The following TOM1L2 variants were observed in gnomAD, a reference collection of about 807,000 sequenced individuals.
The protein encoded by TOM1L2 is TOM1-like protein 2.
A neutral mutation model predicts 67.9 loss-of-function variants in TOM1L2; 31 were observed. The observed-to-expected ratio is 0.46, with a 90% confidence interval of 0.34 to 0.62. The LOEUF (loss-of-function observed/expected upper bound fraction) is 0.62, where lower values mean the gene tolerates loss of function less well. Ranked by LOEUF, TOM1L2 falls within the 20% of genes least tolerant of loss-of-function variation. The probability of loss-of-function intolerance (pLI) is 0.01; values close to 1 mark genes in which losing one functional copy is unlikely to be tolerated. For missense variants in TOM1L2, 606 were observed against 663.5 expected, an observed-to-expected ratio of 0.91 and a Z score of 0.95; for synonymous variants, 256 against 254.0, an observed-to-expected ratio of 1.01 and a Z score of -0.07.
chr17:17,894,835 G>A lies in TOM1L2; in HGVS notation c.217-1025C>T, dbSNP rs548485140. On this transcript the variant is annotated intron_variant, in intron 3 of 14. Transcript: ENST00000379504. ...AATCCCAGCTACTTGGGAGGCTGAG[G>A]CAGGAGAATCGCTTGAACCTGGGAG... Among the ~76,000 whole-genome samples the A allele has an allele frequency of 1.4e-4, 22 of 152,310 alleles. No homozygotes were observed. The East Asian group carries it at 4.1e-3, about 28-fold the overall frequency.
At chr17:17,882,190 C>T (rs2037759062) in intron 6 of TOM1L2, among the ~76,000 whole-genome samples, 1 of 152,164 alleles carries the variant, frequency 6.6e-6, no homozygotes, top group Admixed American at 6.5e-5. Flanking sequence ...TGATGGCTGA[C>T]TTTTTTTATG....
intron 1 of TOM1L2, among the ~76,000 whole-genome samples, chr17:17,917,462 T>C (rs1175452294): frequency 1.5e-5 from 2 of 130,716 alleles, no homozygotes; most frequent in Non-Finnish European, 3.2e-5. Flanking sequence ...TTTTTTTTTT[T>C]TTTTTTTTTT....
At chr17:17,865,901 G>T (rs915479540) in intron 10 of TOM1L2, among the ~76,000 whole-genome samples, 1 of 150,806 alleles carries the variant, frequency 6.6e-6, no homozygotes, top group Non-Finnish European at 1.5e-5. Flanking sequence ...CCCACCATGC[G>T]CAGCTAATTT....
chr17:17,907,781 C>CA (rs1201519523), intron 1 of TOM1L2, among the ~76,000 whole-genome samples: 1 of 152,144 alleles, frequency 6.6e-6, no homozygotes. Context: ...CCTAAGCCAT[C>CA]AAAAATCACC....
chr17:17,879,653 C>A lies in TOM1L2; in HGVS notation c.751G>T (p.Asp251Tyr), dbSNP rs926275423. The A allele has an allele frequency of 6.2e-7, 1 of 1,614,182 alleles. No homozygotes were observed. Among genetic ancestry groups the A allele is most frequent in the Non-Finnish European group, 8.5e-7 (1 of 1,180,002 alleles). Residue 251 changes from aspartate to tyrosine, a missense_variant, in exon 7 of 15, where the codon GAT becomes TAT. Asp to Tyr is a radical substitution (Grantham distance 160). Transcript: ENST00000379504. ...TGCAGCAACTCCAGATCAGATGAAT[C>A]CTCCTGTCCAGGGACCATTTCTGTT... ...MLTEMVPGQE[D>Y]SSDLELLQEL... is the part of the protein sequence containing the mutation.
At chr17:17,920,754 T>C (rs1316438928) in intron 1 of TOM1L2, among the ~76,000 whole-genome samples, 1 of 151,500 alleles carries the variant, frequency 6.6e-6, no homozygotes, top group Non-Finnish European at 1.5e-5. Flanking sequence ...CCTGCCTCAG[T>C]CTCCTGAGTA....
At chr17:17,956,216 C>T (rs758463932) in intron 1 of TOM1L2, among the ~76,000 whole-genome samples, 3 of 152,152 alleles carry the variant, frequency 2.0e-5, no homozygotes, top group South Asian at 2.1e-4. Context: ...ACCTGATTGG[C>T]CTATTTTGAC....
intron 1 of TOM1L2, among the ~76,000 whole-genome samples, chr17:17,966,100 A>T (rs1320366227): frequency 2.0e-5 from 3 of 152,176 alleles, no homozygotes; most frequent in African/African-American, 4.8e-5. Context: ...CACCCTGGGC[A>T]ACAGAGCAAG....
At chr17:17,876,775 G>A (rs1568135598) in intron 7 of TOM1L2, among the ~76,000 whole-genome samples, 1 of 152,226 alleles carries the variant, frequency 6.6e-6, no homozygotes, top group Non-Finnish European at 1.5e-5. Flanking sequence ...ATAGGCCTGT[G>A]TAATTTGTAT....
At position 17,907,515 on chromosome 17, in the gene TOM1L2, G is replaced by A. The variant is rs941483451; in HGVS notation, c.69C>T (p.Gly23=). Reference sequence around the variant, plus strand: ...ACGTCCAATCCTCACTTTGCAGGGAGCCATCTGTTGCCTTTTCTGTGAAAT... The same window carrying A: ...ACGTCCAATCCTCACTTTGCAGGGAACCATCTGTTGCCTTTTCTGTGAAAT... ...VGQCLEKATD[G]SLQSEDWTLN... is the part of the protein sequence containing the mutation. The change falls in exon 2 of 15, where the codon GGC becomes GGT. Residue 23 remains glycine, a synonymous_variant. Transcript: ENST00000379504. 1.9e-6 allele frequency: 3 copies of A among 1,613,796 alleles called. No individual in the cohort carries two copies. In the African/African-American group the frequency reaches 4.0e-5, roughly 22 times the overall value.
intron 4 of TOM1L2, among the ~76,000 whole-genome samples, chr17:17,891,761 G>A (rs1462765486): frequency 6.6e-6 from 1 of 151,680 alleles, no homozygotes; most frequent in Non-Finnish European, 1.5e-5. Flanking sequence ...TGGGGTGTAT[G>A]AGGAAGGTAA....
chr17:17,893,914 C>A, intron 3 of TOM1L2, 104 bp from the exon 4 acceptor site: 1 of 1,212,186 alleles, frequency 8.2e-7, no homozygotes, highest in Admixed American at 2.4e-5. Flanking sequence ...CTGTCTTGCT[C>A]CTAGATCAGC....
intron 1 of TOM1L2, among the ~76,000 whole-genome samples, chr17:17,952,376 C>CTTTTTTTTTTTTTTTTTTTTT (rs60388742): frequency 1.3e-5 from 1 of 79,900 alleles, no homozygotes; most frequent in Non-Finnish European, 2.7e-5. Context: ...TCTTTATTTT[C>CTTTTTTTTTTTTTTTTTTTTT]TTTTTTTTTT....
At chr17:17,848,126 G>A (rs1240466767) in intron 14 of TOM1L2, among the ~76,000 whole-genome samples, 1 of 152,156 alleles carries the variant, frequency 6.6e-6, no homozygotes, top group Non-Finnish European at 1.5e-5. Flanking sequence ...TAAACAGGCA[G>A]GAACCATCCC....
chr17:17,931,455 A>T (rs1320832097), intron 1 of TOM1L2, among the ~76,000 whole-genome samples: 8 of 152,240 alleles, frequency 5.3e-5, no homozygotes, highest in Non-Finnish European at 1.2e-4. Context: ...TCTGAGCCTC[A>T]GTTTCCACAT....
intron 10 of TOM1L2, chr17:17,863,305 A>G (rs2036662897): frequency 6.2e-6 from 1 of 160,296 alleles, no homozygotes; most frequent in South Asian, 1.9e-4. Flanking sequence ...AGCTTCAAGA[A>G]GGTCAGAGTG....
chr17:17,903,060 A>C (rs922377169), intron 2 of TOM1L2, among the ~76,000 whole-genome samples: 1 of 152,040 alleles, frequency 6.6e-6, no homozygotes, highest in Non-Finnish European at 1.5e-5. Flanking sequence ...GGCACTCTGT[A>C]AGACTCCAGT....
rs71155307 is a variant in TOM1L2, at chr17:17,917,450, C to CT, written c.53-9920dup. Among the ~76,000 whole-genome samples, 16 of 36,362 alleles carry CT rather than the reference C, an allele frequency of 4.4e-4. 3 individuals carry two copies. Among genetic ancestry groups the CT allele is most frequent in the Non-Finnish European group, 6.1e-4 (12 of 19,810 alleles). The allele number at this position is 36,362 out of a possible 152,430, so 23.9% of individuals were successfully genotyped here. On this transcript the variant is annotated intron_variant, in intron 1 of 14. Transcript: ENST00000379504. ...TATTTCTGAAAAAAATACCATTGGT[C>CT]TTTTTTTTTTTTTTTTTTTTTTTTT...
chr17:17,922,678 T>A (rs578211185), intron 1 of TOM1L2, among the ~76,000 whole-genome samples: 2 of 152,294 alleles, frequency 1.3e-5, no homozygotes, highest in South Asian at 4.1e-4. Flanking sequence ...CCTCACAGGG[T>A]GTGGTTAAGA....
Sources: allele counts gnomAD v4.1 joint callset (sites outside exome capture counted in the v4.1 genomes callset), GRCh38; gene constraint gnomAD v4.1.1; transcripts MANE v1.5; gene names NCBI Gene and HGNC (gene_info 2026-07-23, HGNC 2026-07-21).